The following STXBP5L variants were observed in gnomAD, a reference collection of about 807,000 sequenced individuals.
STXBP5L encodes the protein syntaxin binding protein 5L.
STXBP5L carries 65 observed loss-of-function variants against 144.5 expected under a neutral mutation model. That is an observed-to-expected ratio of 0.45 (90% CI 0.37 to 0.55). The LOEUF (loss-of-function observed/expected upper bound fraction) is 0.55, where lower values mean the gene tolerates loss of function less well. Among genes scored for constraint, STXBP5L ranks in the 20% least tolerant of loss-of-function variants. The probability of loss-of-function intolerance (pLI) is 0.00; values close to 1 mark genes in which losing one functional copy is unlikely to be tolerated. For synonymous variants in STXBP5L, 505 were observed against 469.6 expected, an observed-to-expected ratio of 1.08 and a Z score of -0.97; for missense variants, 1,298 against 1,405.5, an observed-to-expected ratio of 0.92 and a Z score of 1.22.
chr3:121,381,208 A>G, intron 21 of STXBP5L, 85 bp from the exon 22 acceptor site: 1 of 1,338,654 alleles, frequency 7.5e-7, no homozygotes. Flanking sequence ...TCCTCCTCAT[A>G]ATTTTGATTT....
intron 3 of STXBP5L, among the ~76,000 whole-genome samples, chr3:121,036,772 A>ATTTTTTTT (rs3863971): frequency 9.3e-4 from 113 of 122,102 alleles, no homozygotes; most frequent in Non-Finnish European, 1.5e-3. Flanking sequence ...ACATTGATTG[A>ATTTTTTTT]TTTTTTTTTT....
chr3:120,976,594 A>G (rs964236172), intron 3 of STXBP5L, among the ~76,000 whole-genome samples: 8 of 151,790 alleles, frequency 5.3e-5, no homozygotes, highest in Non-Finnish European at 1.0e-4. Flanking sequence ...TAGCTTTTGA[A>G]TGTGTTTGCT....
At chr3:121,160,358 A>T (rs1456242699) in intron 9 of STXBP5L, among the ~76,000 whole-genome samples, 1 of 152,210 alleles carries the variant, frequency 6.6e-6, no homozygotes, top group Non-Finnish European at 1.5e-5. Context: ...TCTTCACCCA[A>T]AGATTCAACA....
chr3:120,922,397 A>G (rs373952010), intron 2 of STXBP5L, among the ~76,000 whole-genome samples: 38 of 151,980 alleles, frequency 2.5e-4, no homozygotes, highest in African/African-American at 9.2e-4. Flanking sequence ...AGGTAAGGTC[A>G]TATCACCTGT....
chr3:121,149,228 T>C (rs1276245065), intron 7 of STXBP5L, among the ~76,000 whole-genome samples: 2 of 152,058 alleles, frequency 1.3e-5, no homozygotes, highest in East Asian at 1.9e-4. Flanking sequence ...CTGTGTACAT[T>C]ATATATATTT....
intron 4 of STXBP5L, among the ~76,000 whole-genome samples, chr3:121,043,520 C>T (rs1947301114): frequency 6.6e-6 from 1 of 152,088 alleles, no homozygotes; most frequent in African/African-American, 2.4e-5. Context: ...ACCATCCTGG[C>T]CAACATGGTG....
intron 20 of STXBP5L, among the ~76,000 whole-genome samples, chr3:121,354,907 C>T (rs1294109652): frequency 6.6e-6 from 1 of 152,104 alleles, no homozygotes; most frequent in Non-Finnish European, 1.5e-5. Context: ...AATCTCTCAG[C>T]ATTTGCTTGT....
intron 9 of STXBP5L, among the ~76,000 whole-genome samples, chr3:121,181,252 G>GAT (rs2047141364): frequency 6.7e-6 from 1 of 149,032 alleles, no homozygotes; most frequent in Admixed American, 6.7e-5. Context: ...GGAGGTGGAG[G>GAT]TATCAGTTAG....
At chr3:121,169,659 T>C (rs752391604) in intron 9 of STXBP5L, among the ~76,000 whole-genome samples, 3 of 152,122 alleles carry the variant, frequency 2.0e-5, no homozygotes, top group Non-Finnish European at 4.4e-5. Flanking sequence ...ATCCCAAATA[T>C]ATATGCAACC....
chr3:121,083,729 A>C (rs560585624), intron 5 of STXBP5L, among the ~76,000 whole-genome samples: 9 of 152,192 alleles, frequency 5.9e-5, no homozygotes, highest in Non-Finnish European at 1.2e-4. Context: ...CCAAATCATG[A>C]GTGTGTGGAA....
At chr3:121,338,491 A>C (rs1393792570) in intron 20 of STXBP5L, among the ~76,000 whole-genome samples, 1 of 151,610 alleles carries the variant, frequency 6.6e-6, no homozygotes, top group East Asian at 1.9e-4. Flanking sequence ...TAAAAATACA[A>C]AAATTAGCTG....
chr3:121,175,512 T>A (rs1216057754), intron 9 of STXBP5L, among the ~76,000 whole-genome samples: 9 of 152,258 alleles, frequency 5.9e-5, no homozygotes, highest in Admixed American at 5.2e-4. Context: ...TGCTGATACA[T>A]TTTAAATTTT....
chr3:121,145,455 T>C (rs950410096), intron 7 of STXBP5L, among the ~76,000 whole-genome samples: 1 of 151,960 alleles, frequency 6.6e-6, no homozygotes, highest in Non-Finnish European at 1.5e-5. Context: ...GGGAGAATTC[T>C]ATACTCTACA....
At chr3:120,975,986 G>A (rs909176042) in intron 3 of STXBP5L, among the ~76,000 whole-genome samples, 1 of 151,072 alleles carries the variant, frequency 6.6e-6, no homozygotes, top group East Asian at 1.9e-4. Context: ...GTTCATCAAG[G>A]ATATTGGTCT....
intron 20 of STXBP5L, among the ~76,000 whole-genome samples, chr3:121,356,281 C>T (rs1204535598): frequency 6.6e-6 from 1 of 152,262 alleles, no homozygotes; most frequent in Admixed American, 6.5e-5. Context: ...TTTTGTTCAG[C>T]TAAGCCCTGC....
intron 3 of STXBP5L, among the ~76,000 whole-genome samples, chr3:120,981,140 C>G (rs762927646): frequency 6.6e-6 from 1 of 152,086 alleles, no homozygotes; most frequent in Non-Finnish European, 1.5e-5. Flanking sequence ...TTAGGACTTT[C>G]TCTTTCATGT....
intron 10 of STXBP5L, among the ~76,000 whole-genome samples, chr3:121,207,409 G>T (rs2048379620): frequency 6.6e-6 from 1 of 152,294 alleles, no homozygotes; most frequent in Non-Finnish European, 1.5e-5. Flanking sequence ...TACCATGTAG[G>T]ACATAGACGT....
In STXBP5L at chr3:121,314,863, A is replaced by G. The variant is rs541185129; in HGVS notation, c.2111-3612A>G. On this transcript the variant is annotated intron_variant, in intron 19 of 26. Transcript: ENST00000471454. The stretch of plus-strand genomic sequence containing the variant: ...ACTTCTCAAAAGAAGACATTTACAC[A>G]GCCAAAAGACACATGAAAAAATGCT... Among the ~76,000 whole-genome samples, 31 of 152,360 alleles carry G rather than the reference A, an allele frequency of 2.0e-4. No individual in the cohort carries two copies. In the East Asian group the frequency reaches 4.6e-3, roughly 23 times the overall value.
At chr3:120,911,889 A>T (rs998282556) in intron 2 of STXBP5L, among the ~76,000 whole-genome samples, 5 of 152,050 alleles carry the variant, frequency 3.3e-5, no homozygotes, top group African/African-American at 1.2e-4. Context: ...TTAGACCGTT[A>T]CTGAAATGGG....
Sources: gnomAD v4.1 joint callset for allele counts (sites outside exome capture counted in the v4.1 genomes callset) on GRCh38, gnomAD v4.1.1 for gene constraint, MANE v1.5 for transcripts, NCBI Gene and HGNC (gene_info 2026-07-23, HGNC 2026-07-21) for gene names.